Variants in DCUN1D4 observed in about 807,000 individuals in gnomAD.
DCUN1D4 encodes the protein defective in cullin neddylation 1 domain containing 4, also known as DCN1-like protein 4.
Under a neutral mutation model 47.9 loss-of-function variants are expected in DCUN1D4, and 22 were observed. The observed-to-expected ratio is 0.46, with a 90% confidence interval of 0.33 to 0.66. The LOEUF (loss-of-function observed/expected upper bound fraction) is 0.66. Ranked by LOEUF, DCUN1D4 falls within the 30% of genes least tolerant of loss-of-function variation. DCUN1D4 has a pLI of 0.02. For missense variants in DCUN1D4, 301 were observed against 340.8 expected, an observed-to-expected ratio of 0.88 and a Z score of 0.92; for synonymous variants, 121 against 112.2, an observed-to-expected ratio of 1.08 and a Z score of -0.50.
At chr4:51,874,214 G>C in intron 3 of DCUN1D4, 57 bp from the exon 4 acceptor site, 1 of 1,152,338 alleles carries the variant, frequency 8.7e-7, no homozygotes, top group Admixed American at 2.1e-5. Flanking sequence ...TTCTTTGGAA[G>C]TACAGAGTTA....
intron 9 of DCUN1D4, among the ~76,000 whole-genome samples, chr4:51,911,969 C>G (rs564473515): frequency 1.3e-5 from 2 of 152,110 alleles, no homozygotes; most frequent in Non-Finnish European, 2.9e-5. Context: ...TGGCTTCACT[C>G]TTGAATAATC....
intron 8 of DCUN1D4, chr4:51,905,357 C>A: frequency 3.4e-6 from 1 of 291,286 alleles, no homozygotes. Flanking sequence ...GCTTTCCCTC[C>A]ACAAAGCTCT....
At chr4:51,880,052 A>AC in intron 5 of DCUN1D4, among the ~76,000 whole-genome samples, 1 of 151,960 alleles carries the variant, frequency 6.6e-6, no homozygotes, top group African/African-American at 2.4e-5. Context: ...ATTTTTAGCC[A>AC]CCCCCTTCTT....
intron 5 of DCUN1D4, among the ~76,000 whole-genome samples, chr4:51,882,821 T>C (rs1430983247): frequency 1.3e-5 from 2 of 151,986 alleles, no homozygotes; most frequent in African/African-American, 4.8e-5. Flanking sequence ...CTTTTTTAAA[T>C]TAGGAAGAAT....
In DCUN1D4 at chr4:51,913,770, G is replaced by A. The variant is rs934556572; in HGVS notation, c.*186G>A. ...CTGTGTGGCATTGTTCTCTTGGAAGGCTGCTTTGCAGTTTGTATTTACACT... is the reference window on the plus strand; with the variant it reads ...CTGTGTGGCATTGTTCTCTTGGAAGACTGCTTTGCAGTTTGTATTTACACT... On this transcript the variant is annotated 3_prime_UTR_variant, in exon 11 of 11. Coordinates refer to ENST00000334635, the MANE Select transcript of DCUN1D4 (RefSeq NM_001040402.3). The A allele has an allele frequency of 1.4e-5, 8 of 553,028 alleles. No individual in the cohort carries two copies. Among genetic ancestry groups the A allele is most frequent in the African/African-American group, 9.4e-5 (5 of 53,124 alleles). The allele number at this position is 553,028 out of a possible 1,614,324, so 34.3% of individuals were successfully genotyped here.
At chr4:51,835,829 A>C in the DCUN1D4 span, among the ~76,000 whole-genome samples, 1 of 152,098 alleles carries the variant, frequency 6.6e-6, no homozygotes, top group African/African-American at 2.4e-5. Context: ...CCCTGTTTGG[A>C]GCTGGAATTG....
At chr4:51,855,057 C>A (rs1280384881) in intron 1 of DCUN1D4, among the ~76,000 whole-genome samples, 1 of 152,080 alleles carries the variant, frequency 6.6e-6, no homozygotes, top group East Asian at 1.9e-4. Flanking sequence ...GTGAATAAAG[C>A]AAAAGGAAGT....
the DCUN1D4 span, among the ~76,000 whole-genome samples, chr4:51,835,047 A>T: frequency 6.6e-6 from 1 of 152,156 alleles, no homozygotes; most frequent in Non-Finnish European, 1.5e-5. Context: ...GACTCCAAAG[A>T]CTATGCTAGG....
intron 8 of DCUN1D4, chr4:51,905,321 G>T: frequency 2.4e-6 from 1 of 408,604 alleles, no homozygotes; most frequent in Non-Finnish European, 5.1e-6. Flanking sequence ...TGACGTCCAG[G>T]CCAGTGTCCT....
intron 1 of DCUN1D4, 88 bp from the exon 2 acceptor site, chr4:51,863,349 A>T (rs1394525877): frequency 1.9e-6 from 2 of 1,077,582 alleles, no homozygotes; most frequent in Non-Finnish European, 2.8e-6. Context: ...GTATTTAATT[A>T]TATCAAAACA....
intron 1 of DCUN1D4, chr4:51,848,186 A>T (rs1297988374): frequency 1.9e-6 from 2 of 1,064,388 alleles, no homozygotes; most frequent in Non-Finnish European, 2.4e-6. Context: ...AACTAATTTA[A>T]TATTTTTCAA....
chr4:51,891,462 G>A (rs1468350526), intron 6 of DCUN1D4, among the ~76,000 whole-genome samples: 2 of 152,152 alleles, frequency 1.3e-5, no homozygotes, highest in African/African-American at 2.4e-5. Context: ...GTCAATAACT[G>A]GTTTTACATT....
Position 51,914,861 on chromosome 4 carries a change from T to C in DCUN1D4, c.*1277T>C, listed in dbSNP as rs936541495. Reference sequence around the variant, plus strand: ...TTTTTTTGCCATTCTTGAGGAAATATAGAGATGACATGTTTTCACCCCAAC... The same window carrying C: ...TTTTTTTGCCATTCTTGAGGAAATACAGAGATGACATGTTTTCACCCCAAC... On this transcript the variant is annotated 3_prime_UTR_variant, in exon 11 of 11. Transcript: ENST00000334635. 1.4e-5 allele frequency: 2 copies of C among 141,116 alleles called. No individual in the cohort carries two copies. Among genetic ancestry groups the C allele is most frequent in the Non-Finnish European group, 3.1e-5 (2 of 65,556 alleles). The allele number at this position is 141,116 out of a possible 1,614,324, so 8.7% of individuals were successfully genotyped here. A position where few individuals can be genotyped will look rare whatever the true frequency, so the allele number is the denominator to read the frequency against.
upstream of DCUN1D4, chr4:51,843,140 G>A: frequency 6.6e-7 from 1 of 1,503,872 alleles, no homozygotes. Context: ...GGAGTGCCCG[G>A]CGGCGGGTCC....
intron 7 of DCUN1D4, among the ~76,000 whole-genome samples, chr4:51,893,519 G>A (rs1030450046): frequency 4.6e-5 from 7 of 151,886 alleles, no homozygotes; most frequent in Non-Finnish European, 7.4e-5. Context: ...TCCGCCTCCC[G>A]GGTTCAAGTG....
At chr4:51,848,243 A>G (rs1292982837) in intron 1 of DCUN1D4, 1 of 1,289,376 alleles carries the variant, frequency 7.8e-7, no homozygotes, top group Middle Eastern at 2.1e-4. Flanking sequence ...GAAATTCTCA[A>G]GGAAAGAGTA....
intron 3 of DCUN1D4, among the ~76,000 whole-genome samples, chr4:51,873,117 C>G (rs759998068): frequency 1.3e-5 from 2 of 152,174 alleles, no homozygotes; most frequent in African/African-American, 2.4e-5. Flanking sequence ...GACTGCAGAT[C>G]ATTCAGTCCC....
chr4:51,911,976 A>C (rs1442025231), intron 9 of DCUN1D4, among the ~76,000 whole-genome samples: 2 of 152,312 alleles, frequency 1.3e-5, no homozygotes, highest in East Asian at 3.9e-4. Flanking sequence ...ACTCTTGAAT[A>C]ATCTTTCTCA....
intron 1 of DCUN1D4, among the ~76,000 whole-genome samples, chr4:51,852,881 A>ATGT (rs1046255775): frequency 2.3e-4 from 35 of 152,334 alleles, no homozygotes; most frequent in African/African-American, 7.5e-4. Flanking sequence ...CCAGGGCTTT[A>ATGT]TGTTATCAGA....
Sources: allele counts gnomAD v4.1 joint callset (sites outside exome capture counted in the v4.1 genomes callset), GRCh38; gene constraint gnomAD v4.1.1; transcripts MANE v1.5; gene names NCBI Gene and HGNC (gene_info 2026-07-23, HGNC 2026-07-21).